The following LRP2 variants were observed in gnomAD, a reference collection of about 807,000 sequenced individuals.
The protein encoded by LRP2 is low-density lipoprotein receptor-related protein 2.
A neutral mutation model predicts 531.0 loss-of-function variants in LRP2; 172 were observed. The ratio of observed to expected loss-of-function variants is 0.32; its 90% confidence interval spans 0.29 to 0.37. The LOEUF is 0.37. Among genes scored for constraint, LRP2 ranks in the 10% least tolerant of loss-of-function variants. The pLI is 1.00. For missense variants in LRP2, 5,167 were observed against 5,868.3 expected, an observed-to-expected ratio of 0.88 and a Z score of 3.90; for synonymous variants, 1,992 against 2,027.6, an observed-to-expected ratio of 0.98 and a Z score of 0.47.
chr2:169,180,907 AC>A (rs962100960), intron 52 of LRP2, among the ~76,000 whole-genome samples: 14 of 152,338 alleles, frequency 9.2e-5, no homozygotes, highest in Admixed American at 8.5e-4. Context: ...TATATTTAAC[AC>A]ACTTAAAAAT....
intron 15 of LRP2, among the ~76,000 whole-genome samples, chr2:169,271,918 G>A (rs1170546519): frequency 2.6e-5 from 4 of 152,098 alleles, no homozygotes; most frequent in Non-Finnish European, 5.9e-5. Flanking sequence ...ACTGTGACAG[G>A]ATGCCAGGGA....
intron 33 of LRP2, among the ~76,000 whole-genome samples, chr2:169,223,906 G>A (rs936635599): frequency 2.6e-5 from 4 of 152,176 alleles, no homozygotes; most frequent in African/African-American, 7.2e-5. Flanking sequence ...GCTAGTGAAA[G>A]ATCTTTGTAA....
chr2:169,264,984 C>A (rs1182234748), intron 16 of LRP2, among the ~76,000 whole-genome samples: 1 of 151,970 alleles, frequency 6.6e-6, no homozygotes, highest in Non-Finnish European at 1.5e-5. Context: ...TGAAAGGGCG[C>A]CCTCAGCTCC....
At chr2:169,261,710 T>C (rs913317811) in intron 16 of LRP2, among the ~76,000 whole-genome samples, 2 of 151,934 alleles carry the variant, frequency 1.3e-5, no homozygotes, top group Admixed American at 6.6e-5. Flanking sequence ...TTCCAATCAA[T>C]AGAAAAAGAG....
rs374883412 is a variant in LRP2, at chr2:169,156,384, A to T, written c.12041T>A (p.Phe4014Tyr). ...TCTGCAGTGCTGGGGACAAGTCCCAAATTGTTCACATTCATTGATATCTGT... is the reference window on the plus strand; with the variant it reads ...TCTGCAGTGCTGGGGACAAGTCCCATATTGTTCACATTCATTGATATCTGT... ...SCLDINECEQ[F>Y]GTCPQHCRNT... The change falls in exon 65 of 79, where the codon TTT becomes TAT. Residue 4014 changes from phenylalanine to tyrosine, a missense_variant. Physicochemically the swap from Phe to Tyr is conservative, Grantham distance 22 (BLOSUM62 3). Around this residue, in one of 6 missense-constraint regions of LRP2, gnomAD observed 564 missense variants for 747.7 expected, o/e 0.75. Coordinates refer to ENST00000649046, the MANE Select transcript of LRP2 (RefSeq NM_004525.3). 13 of 1,613,478 alleles carry T rather than the reference A, an allele frequency of 8.1e-6. No homozygotes were observed. The highest frequency in any genetic ancestry group is 2.7e-5 in the African/African-American group (2 of 74,892).
intron 13 of LRP2, among the ~76,000 whole-genome samples, chr2:169,277,061 G>A (rs1683574854): frequency 6.6e-6 from 1 of 151,970 alleles, no homozygotes; most frequent in Admixed American, 6.6e-5. Context: ...AGGCATGGTG[G>A]TGTATGCTTG....
chr2:169,279,036 G>C (rs1158726418), intron 12 of LRP2, among the ~76,000 whole-genome samples: 1 of 152,114 alleles, frequency 6.6e-6, no homozygotes, highest in East Asian at 1.9e-4. Context: ...ATGTTTAGTT[G>C]TAATAATATT....
intron 1 of LRP2, among the ~76,000 whole-genome samples, chr2:169,321,754 C>T (rs963893817): frequency 5.3e-5 from 8 of 152,112 alleles, no homozygotes; most frequent in African/African-American, 1.9e-4. Context: ...CAAAACAAAA[C>T]AAAATCTCTG....
chr2:169,192,519 T>C (rs1431644312), intron 47 of LRP2, among the ~76,000 whole-genome samples: 1 of 152,146 alleles, frequency 6.6e-6, no homozygotes, highest in Non-Finnish European at 1.5e-5. Flanking sequence ...GAGCTGGGGC[T>C]TCAAACCTAG....
At position 169,160,513 on chromosome 2, in the gene LRP2, C is replaced by A. The variant is rs187587750; in HGVS notation, c.11887+1959G>T. On this transcript the variant is annotated intron_variant, in intron 63 of 78. Transcript: ENST00000649046. ...AGAAGAGGAGGAAGGAGAAAAAAGA[C>A]AAAGGCAAATAAATTAACAGCACCC... 1.0e-3 allele frequency among the ~76,000 whole-genome samples: 156 copies of A among 151,864 alleles called. 2 individuals carry two copies. Among genetic ancestry groups the A allele is most frequent in the African/African-American group, 3.5e-3 (146 of 41,434 alleles).
At chr2:169,336,467 G>C (rs831029) in intron 1 of LRP2, among the ~76,000 whole-genome samples, 47,082 of 151,822 alleles carry the variant, frequency 0.31, 7,611 homozygotes, top group African/African-American at 0.4. Context: ...TTGAAACCAG[G>C]AGGCAGAGGC....
At chr2:169,143,970 C>T (rs1419742726) in intron 70 of LRP2, among the ~76,000 whole-genome samples, 8 of 152,174 alleles carry the variant, frequency 5.3e-5, no homozygotes, top group Admixed American at 1.3e-4. Context: ...ACCATTTCGT[C>T]GGCCCTCCAG....
At chr2:169,296,028 T>C (rs1377016117) in intron 4 of LRP2, among the ~76,000 whole-genome samples, 1 of 152,112 alleles carries the variant, frequency 6.6e-6, no homozygotes, top group Admixed American at 6.5e-5. Context: ...AGATAATTCT[T>C]TGGATAGTCC....
chr2:169,238,845 T>A (rs139141575), intron 26 of LRP2, among the ~76,000 whole-genome samples: 2,654 of 152,286 alleles, frequency 0.017, 246 homozygotes, highest in Admixed American at 0.16. Context: ...AGTGACCACA[T>A]GACTAAGTTC....
At chr2:169,137,779 T>C (rs1193902947) in intron 75 of LRP2, among the ~76,000 whole-genome samples, 1 of 151,792 alleles carries the variant, frequency 6.6e-6, no homozygotes, top group African/African-American at 2.4e-5. Flanking sequence ...ATCCAAATTC[T>C]CTTAAATAAC....
intron 59 of LRP2, among the ~76,000 whole-genome samples, chr2:169,170,323 A>G (rs1215153869): frequency 6.6e-6 from 1 of 152,202 alleles, no homozygotes; most frequent in Non-Finnish European, 1.5e-5. Context: ...TTAAAATTAA[A>G]TGTTTAAAAT....
chr2:169,139,239 A>G lies in LRP2; in HGVS notation c.13388+12T>C. On this transcript the variant is annotated intron_variant, in intron 74 of 78. Transcript: ENST00000649046. ...GGCTTCAAACATCAACGTTCCCCAT[A>G]ATGAAACTGACCTTGGCAGCTTGGG... The G allele has an allele frequency of 6.2e-7, 1 of 1,614,110 alleles. No individual in the cohort carries two copies. The highest frequency in any genetic ancestry group is 8.5e-7 in the Non-Finnish European group (1 of 1,179,978).
Position 169,137,585 on chromosome 2 carries a change from G to A in LRP2, c.13519-92C>T, listed in dbSNP as rs115749844. ...TAATCTGGTTCACACACAAAGAAAG[G>A]TGCCTTCCTCACACCTGGAGGTACG... On this transcript the variant is annotated intron_variant, in intron 75 of 78. Coordinates refer to ENST00000649046, the MANE Select transcript of LRP2 (RefSeq NM_004525.3). The A allele has an allele frequency of 3.8e-3, 3,148 of 823,100 alleles. 56 individuals are homozygous for A. In the African/African-American group the frequency reaches 0.047, roughly 12 times the overall value. The allele number at this position is 823,100 out of a possible 1,614,324, so 51.0% of individuals were successfully genotyped here. A position where few individuals can be genotyped will look rare whatever the true frequency, so the allele number is the denominator to read the frequency against.
At chr2:169,200,223 C>A (rs992097642) in intron 44 of LRP2, among the ~76,000 whole-genome samples, 1 of 152,106 alleles carries the variant, frequency 6.6e-6, no homozygotes, top group African/African-American at 2.4e-5. Flanking sequence ...TGCACTCCAG[C>A]CTGGGCGATA....
Sources: gnomAD v4.1 joint callset for allele counts (sites outside exome capture counted in the v4.1 genomes callset) on GRCh38, gnomAD v4.1.1 for gene constraint, gnomAD v4.1.1 regional missense constraint, MANE v1.5 for transcripts, NCBI Gene and HGNC (gene_info 2026-07-23, HGNC 2026-07-21) for gene names.